PHYH: variants seen among roughly 807,000 people sequenced by gnomAD.
PHYH encodes the protein phytanoyl-CoA 2-hydroxylase.
In PHYH, 32 loss-of-function variants were observed where a neutral mutation model predicts 38.5. That is an observed-to-expected ratio of 0.83 (90% CI 0.63 to 1.12). PHYH has a LOEUF of 1.12. Ranked by LOEUF, PHYH falls within the 50% of genes most tolerant of loss-of-function variation. The pLI is 0.00. For synonymous variants in PHYH, 166 were observed against 157.9 expected (o/e 1.05, Z -0.38); for missense variants, 426 against 434.8 (o/e 0.98, Z 0.18).
chr10:13,298,777 CTACTAA>C (rs1306346691), intron 1 of PHYH, among the ~76,000 whole-genome samples: 2 of 143,860 alleles, frequency 1.4e-5, no homozygotes, highest in Non-Finnish European at 3.1e-5. Context: ...ACTACTACTA[CTACTAA>C]TAATAATAAT....
At chr10:13,290,759 A>G (rs1009264608) in intron 5 of PHYH, among the ~76,000 whole-genome samples, 4 of 152,146 alleles carry the variant, frequency 2.6e-5, no homozygotes, top group East Asian at 3.8e-4. Flanking sequence ...CTGTCTGCCA[A>G]TGAGGTCTTA....
chr10:13,293,293 GTTTT>G (rs1347718753), intron 4 of PHYH, among the ~76,000 whole-genome samples: 1 of 151,720 alleles, frequency 6.6e-6, no homozygotes, highest in African/African-American at 2.4e-5. Context: ...CTTGTTTTTT[GTTTT>G]TTGTTTTTGT....
rs141793844 is a variant in PHYH at position 13,278,213 on chromosome 10, G to C, written c.*88C>G. ...CTGCTTTTAACAAGTGATAGAAAAG[G>C]TTACATCATCTCATTAAGAAAACAT... is the stretch of plus-strand genomic sequence containing the variant. On this transcript the variant is annotated 3_prime_UTR_variant, in exon 9 of 9. Transcript: ENST00000263038. The C allele has an allele frequency of 1.4e-5, 12 of 871,834 alleles. No homozygotes were observed. In the South Asian group the frequency reaches 1.6e-4, roughly 12 times the overall value. The allele number at this position is 871,834 out of a possible 1,614,324, so 54.0% of individuals were successfully genotyped here. A position where few individuals can be genotyped will look rare whatever the true frequency, so the allele number is the denominator to read the frequency against.
chr10:13,285,270 ATCTCCCAGGTTCAGGCAAT>A, intron 6 of PHYH, among the ~76,000 whole-genome samples: 1 of 151,920 alleles, frequency 6.6e-6, no homozygotes, highest in South Asian at 2.1e-4. Flanking sequence ...TGCAACCTCC[ATCTCCCAGGTTCAGGCAAT>A]TCTCCTACCT....
rs951944471 is a variant in PHYH at position 13,283,778 on chromosome 10, T to C, written c.740A>G (p.His247Arg). Residue 247 changes from histidine (H) to arginine (R), a missense_variant, in exon 7 of 9, where the codon CAC becomes CGC. Coordinates refer to ENST00000263038, the MANE Select transcript of PHYH (RefSeq NM_006214.4). ...AGTGTCGCCCTTCTCCATCACCAGG[T>C]GCACCCGGGCCTTGTTTTCCTCGTA... ...QDYEENKARV[H>R]LVMEKGDTVF... 5.6e-6 allele frequency: 9 copies of C among 1,613,996 alleles called. No homozygotes were observed. Among genetic ancestry groups the C allele is most frequent in the Non-Finnish European group, 6.8e-6 (8 of 1,179,934 alleles).
intron 6 of PHYH, among the ~76,000 whole-genome samples, chr10:13,285,334 C>T (rs771379862): frequency 1.3e-5 from 2 of 152,018 alleles, no homozygotes; most frequent in African/African-American, 2.4e-5. Flanking sequence ...CAGGCACACA[C>T]CACCATGCCT....
In PHYH at chr10:13,288,641, G is replaced by A. The variant is rs1835622123; in HGVS notation, c.497-100C>T. Reference sequence around the variant, plus strand: ...GGGATATAAAAATATATCCCAAAGTGGGAGGCTGAGGCAGATGGATGGCTT... The same window carrying A: ...GGGATATAAAAATATATCCCAAAGTAGGAGGCTGAGGCAGATGGATGGCTT... On this transcript the variant is annotated intron_variant, in intron 5 of 8. Transcript: ENST00000263038. 7 of 1,192,388 alleles carry A rather than the reference G, an allele frequency of 5.9e-6. No homozygotes were observed. In the South Asian group the frequency reaches 7.5e-5, roughly 13 times the overall value. 73.9% of individuals were successfully genotyped at this position (1,192,388 alleles called of 1,614,324 possible).
intron 4 of PHYH, among the ~76,000 whole-genome samples, chr10:13,292,986 T>C (rs1272134897): frequency 6.6e-6 from 1 of 151,204 alleles, no homozygotes; most frequent in East Asian, 1.9e-4. Context: ...ACCCATGATA[T>C]TCAAATTTTG....
chr10:13,278,589 G>A (rs1372788082), intron 8 of PHYH, among the ~76,000 whole-genome samples: 2 of 152,130 alleles, frequency 1.3e-5, no homozygotes, highest in Admixed American at 1.3e-4. Context: ...GCCCAGGCTG[G>A]AGTGCAGCGG....
At chr10:13,292,007 A>G (rs1420692664) in intron 4 of PHYH, 95 bp from the exon 5 acceptor site, 2 of 831,070 alleles carry the variant, frequency 2.4e-6, no homozygotes, top group South Asian at 1.4e-5. Context: ...CACAAGAACC[A>G]AGAAGGCAAT....
intron 2 of PHYH, among the ~76,000 whole-genome samples, chr10:13,296,978 T>C (rs1417352007): frequency 6.6e-6 from 1 of 150,728 alleles, no homozygotes; most frequent in African/African-American, 2.4e-5. Flanking sequence ...TATAATAAAA[T>C]ATAATAAAAT....
At chr10:13,289,445 T>G (rs1835648730) in intron 5 of PHYH, among the ~76,000 whole-genome samples, 2 of 152,120 alleles carry the variant, frequency 1.3e-5, no homozygotes, top group African/African-American at 4.8e-5. Context: ...TCCGCCCGCC[T>G]CGGCCTCCCA....
At chr10:13,288,147 AAAAC>A (rs1385297950) in intron 6 of PHYH, among the ~76,000 whole-genome samples, 3 of 152,168 alleles carry the variant, frequency 2.0e-5, no homozygotes, top group African/African-American at 2.4e-5. Context: ...CCCTGTCTCA[AAAAC>A]AAACAAACAA....
rs145379247 is a variant in PHYH, at chr10:13,293,074, A to G, written c.415-1162T>C. 2.1e-3 allele frequency among the ~76,000 whole-genome samples: 320 copies of G among 152,308 alleles called. 4 individuals are homozygous for G. The highest frequency in any genetic ancestry group is 0.018 in the Admixed American group (278 of 15,290). ...CTTTTTGATCTCTTGTGTATAAGGAATATTGGCAATTTGAGTATGAAACCC... is the reference window on the plus strand; with the variant it reads ...CTTTTTGATCTCTTGTGTATAAGGAGTATTGGCAATTTGAGTATGAAACCC... On this transcript the variant is annotated intron_variant, in intron 4 of 8. Coordinates refer to ENST00000263038, the MANE Select transcript of PHYH (RefSeq NM_006214.4).
At chr10:13,290,972 C>A (rs1424161261) in intron 5 of PHYH, among the ~76,000 whole-genome samples, 1 of 152,034 alleles carries the variant, frequency 6.6e-6, no homozygotes, top group Non-Finnish European at 1.5e-5. Flanking sequence ...TGGCACATGC[C>A]TGTAATCCCA....
intron 5 of PHYH, among the ~76,000 whole-genome samples, chr10:13,290,279 A>G (rs575708430): frequency 1.3e-3 from 205 of 152,146 alleles, no homozygotes; most frequent in African/African-American, 4.8e-3. Context: ...TGGGCAACAG[A>G]GCAAGACTCC....
chr10:13,284,754 G>A lies in PHYH; in HGVS notation c.679-915C>T, dbSNP rs1588508356. Among the ~76,000 whole-genome samples, 3 of 152,302 alleles carry A rather than the reference G, an allele frequency of 2.0e-5. No individual in the cohort carries two copies. The East Asian group carries it at 5.8e-4, about 29-fold the overall frequency. On this transcript the variant is annotated intron_variant, in intron 6 of 8. Transcript: ENST00000263038. ...TTGCTACTTTAGGTAATGCGGTTAT[G>A]TCTTTATTAAAGAAATTGACATGAG...
chr10:13,291,059 G>A (rs1026119441), intron 5 of PHYH, among the ~76,000 whole-genome samples: 16 of 132,792 alleles, frequency 1.2e-4, no homozygotes, highest in Non-Finnish European at 2.1e-4. Flanking sequence ...AGCCAAGATC[G>A]CGCTATCGCA....
At chr10:13,294,718 C>G in intron 3 of PHYH, 122 bp from the exon 4 acceptor site, 1 of 768,368 alleles carries the variant, frequency 1.3e-6, no homozygotes, top group Admixed American at 2.0e-5. Context: ...TGGCCTCCAG[C>G]TTGAGGTAGA....
Sources: allele counts gnomAD v4.1 joint callset (sites outside exome capture counted in the v4.1 genomes callset), GRCh38; gene constraint gnomAD v4.1.1; transcripts MANE v1.5; gene names NCBI Gene and HGNC (gene_info 2026-07-23, HGNC 2026-07-21).